The following NALF1 variants were observed in gnomAD, a reference collection of about 807,000 sequenced individuals.
The protein encoded by NALF1 is NALCN channel auxiliary factor 1.
NALF1 carries 3 observed loss-of-function variants against 48.4 expected under a neutral mutation model. The observed-to-expected ratio is 0.06, with a 90% CI of 0.03 to 0.16. NALF1 has a LOEUF of 0.16. Ranked by LOEUF, NALF1 falls within the 10% of genes least tolerant of loss-of-function variation. The pLI, the probability that NALF1 is intolerant of heterozygous loss-of-function variation, is 1.00. For synonymous variants in NALF1, 262 were observed against 245.7 expected, an observed-to-expected ratio of 1.07 and a Z score of -0.62; for missense variants, 526 against 571.5, an observed-to-expected ratio of 0.92 and a Z score of 0.81.
intron 1 of NALF1, among the ~76,000 whole-genome samples, chr13:107,663,475 T>C (rs1594192089): frequency 6.6e-6 from 1 of 152,276 alleles, no homozygotes; most frequent in East Asian, 1.9e-4. Flanking sequence ...AAAAGACCTT[T>C]AAAGATCTTC....
chr13:107,528,968 A>G (rs1409308996), intron 1 of NALF1, among the ~76,000 whole-genome samples: 1 of 152,140 alleles, frequency 6.6e-6, no homozygotes, highest in African/African-American at 2.4e-5. Flanking sequence ...TCTGCCCATG[A>G]AACGTGTTCC....
At chr13:107,361,864 T>A (rs1340853493) in intron 1 of NALF1, among the ~76,000 whole-genome samples, 2 of 152,198 alleles carry the variant, frequency 1.3e-5, no homozygotes, top group East Asian at 3.9e-4. Flanking sequence ...CTCCTTAAAG[T>A]TAGGCAAGGC....
intron 1 of NALF1, among the ~76,000 whole-genome samples, chr13:107,841,199 A>C (rs1175454472): frequency 6.6e-6 from 1 of 152,176 alleles, no homozygotes; most frequent in Non-Finnish European, 1.5e-5. Flanking sequence ...ATTTGAAATA[A>C]AATTTTAACA....
intron 1 of NALF1, among the ~76,000 whole-genome samples, chr13:107,422,677 C>T (rs1884209331): frequency 6.6e-6 from 1 of 152,012 alleles, no homozygotes. Context: ...ATCTCTAGAA[C>T]CTGTGAAAAG....
chr13:107,492,298 T>A (rs116731617), intron 1 of NALF1, among the ~76,000 whole-genome samples: 2,888 of 152,028 alleles, frequency 0.019, 91 homozygotes, highest in African/African-American at 0.065. Context: ...ATCAGCCCGC[T>A]TCGGCCTTCC....
intron 1 of NALF1, chr13:107,835,511 G>A (rs564361660): frequency 6.6e-6 from 1 of 152,292 alleles, no homozygotes; most frequent in African/African-American, 2.4e-5. Context: ...TCCTGAGAAT[G>A]AGGAAGTGAG....
At chr13:107,624,518 G>A (rs1396634070) in intron 1 of NALF1, among the ~76,000 whole-genome samples, 2 of 152,094 alleles carry the variant, frequency 1.3e-5, no homozygotes, top group African/African-American at 4.8e-5. Flanking sequence ...TTTTGAGATG[G>A]AGAATACAGA....
At chr13:107,302,388 C>G (rs1000765538) in intron 1 of NALF1, among the ~76,000 whole-genome samples, 1 of 152,120 alleles carries the variant, frequency 6.6e-6, no homozygotes, top group African/African-American at 2.4e-5. Flanking sequence ...ATTTGAAGGC[C>G]TCAAATCTTA....
intron 1 of NALF1, among the ~76,000 whole-genome samples, chr13:107,666,698 T>G (rs9520543): frequency 0.54 from 82,449 of 152,032 alleles, 23,567 homozygotes; most frequent in Middle Eastern, 0.71. Flanking sequence ...TGCAGGCTCA[T>G]CTTCCACATC....
chr13:107,720,222 G>A (rs538045708), intron 1 of NALF1, among the ~76,000 whole-genome samples: 103 of 152,070 alleles, frequency 6.8e-4, no homozygotes, highest in Non-Finnish European at 1.4e-3. Context: ...TTTACAATAC[G>A]CATAGTTGGC....
chr13:107,658,419 T>C (rs1040053649), intron 1 of NALF1, among the ~76,000 whole-genome samples: 3 of 152,068 alleles, frequency 2.0e-5, no homozygotes, highest in Non-Finnish European at 4.4e-5. Flanking sequence ...CCTTCCTTAA[T>C]AATATCTACA....
chr13:107,666,125 G>GA (rs1317231600), intron 1 of NALF1, among the ~76,000 whole-genome samples: 22 of 152,266 alleles, frequency 1.4e-4, no homozygotes, highest in African/African-American at 4.3e-4. Context: ...TCATAGTGAA[G>GA]AAGGACTCTG....
intron 1 of NALF1, among the ~76,000 whole-genome samples, chr13:107,372,687 A>C (rs926724108): frequency 6.6e-6 from 1 of 152,206 alleles, no homozygotes; most frequent in African/African-American, 2.4e-5. Flanking sequence ...ATAATAGAAA[A>C]CATTTGGTGA....
chr13:107,197,654 A>G (rs1233733905), intron 2 of NALF1, among the ~76,000 whole-genome samples: 2 of 152,142 alleles, frequency 1.3e-5, no homozygotes, highest in Non-Finnish European at 2.9e-5. Context: ...ACAACATGGC[A>G]CTCACCTGCT....
chr13:107,497,363 T>C (rs564509702), intron 1 of NALF1, among the ~76,000 whole-genome samples: 113 of 152,340 alleles, frequency 7.4e-4, no homozygotes, highest in African/African-American at 2.6e-3. Context: ...ATATAATTTC[T>C]AATAATGACC....
chr13:107,594,297 T>A (rs1317717557), intron 1 of NALF1, among the ~76,000 whole-genome samples: 1 of 152,064 alleles, frequency 6.6e-6, no homozygotes, highest in East Asian at 1.9e-4. Flanking sequence ...TATGTGAAAA[T>A]TAGGCACTCA....
chr13:107,635,532 C>G (rs1160910583), intron 1 of NALF1, among the ~76,000 whole-genome samples: 1 of 152,110 alleles, frequency 6.6e-6, no homozygotes, highest in Non-Finnish European at 1.5e-5. Flanking sequence ...AAAACCGTAT[C>G]ATTTACCCTT....
intron 1 of NALF1, among the ~76,000 whole-genome samples, chr13:107,817,642 C>T (rs1348163678): frequency 6.6e-6 from 1 of 152,138 alleles, no homozygotes; most frequent in Non-Finnish European, 1.5e-5. Context: ...TTCAATTTAT[C>T]ACCAAATATA....
At chr13:107,545,831 C>T (rs1274548840) in intron 1 of NALF1, among the ~76,000 whole-genome samples, 2 of 152,100 alleles carry the variant, frequency 1.3e-5, no homozygotes. Flanking sequence ...TCTTCCTGAA[C>T]CTCCTAACAC....
Sources: allele counts gnomAD v4.1 joint callset (sites outside exome capture counted in the v4.1 genomes callset), GRCh38; gene constraint gnomAD v4.1.1; transcripts MANE v1.5; gene names NCBI Gene and HGNC (gene_info 2026-07-23, HGNC 2026-07-21).